Variants in TACC1 observed in about 807,000 individuals in gnomAD.
TACC1 encodes transforming acidic coiled-coil containing protein 1.
Under a neutral mutation model 84.4 loss-of-function variants are expected in TACC1, and 48 were observed. The ratio of observed to expected loss-of-function variants is 0.57; its 90% CI spans 0.45 to 0.72. The LOEUF is 0.72. Among genes scored for constraint, TACC1 ranks in the 30% least tolerant of loss-of-function variants. The pLI is 0.00. For synonymous variants in TACC1, 372 were observed against 376.3 expected (o/e 0.99, Z 0.13); for missense variants, 920 against 973.0 (o/e 0.95, Z 0.72).
At chr8:38,749,107 T>C (rs1808569562) in intron 3 of TACC1, among the ~76,000 whole-genome samples, 1 of 152,112 alleles carries the variant, frequency 6.6e-6, no homozygotes, top group Non-Finnish European at 1.5e-5. Flanking sequence ...CATTATTACT[T>C]TGGATATTAA....
In TACC1 at chr8:38,849,337, G is replaced by C. The variant is rs1032984057; in HGVS notation, c.*1314G>C. 3 of 152,216 alleles carry C rather than the reference G, an allele frequency of 2.0e-5. No homozygotes were observed. Among genetic ancestry groups the C allele is most frequent in the African/African-American group, 7.2e-5 (3 of 41,438 alleles). The allele number at this position is 152,216 out of a possible 1,614,324, so 9.4% of individuals were successfully genotyped here. On this transcript the variant is annotated 3_prime_UTR_variant, in exon 13 of 13. Transcript: ENST00000317827. ...CTCTTACTGGACTCAGTTCAGAGTGGTGGGCCATTAACCCCAACATGGAAT... is the reference window on the plus strand; with the variant it reads ...CTCTTACTGGACTCAGTTCAGAGTGCTGGGCCATTAACCCCAACATGGAAT...
At chr8:38,806,141 A>G (rs1587845903) in intron 2 of TACC1, among the ~76,000 whole-genome samples, 1 of 152,140 alleles carries the variant, frequency 6.6e-6, no homozygotes, top group African/African-American at 2.4e-5. Flanking sequence ...ACCTGGCCCC[A>G]GTGTGGTCGT....
In TACC1 at chr8:38,827,287, A is replaced by T. The variant is rs747180184; in HGVS notation, c.1572A>T (p.Lys524Asn). 2 of 1,614,082 alleles carry T rather than the reference A, an allele frequency of 1.2e-6. No homozygotes were observed. The highest frequency in any genetic ancestry group is 2.7e-5 in the African/African-American group (2 of 74,930). The change falls in exon 5 of 13, where the codon AAA becomes AAT. Residue 524 changes from lysine (K) to asparagine (N), a missense_variant. Coordinates refer to ENST00000317827, the MANE Select transcript of TACC1 (RefSeq NM_006283.3). ...AGAAATCAGCTGGTGCCGAGGTGAA[A>T]GGTGAGCCAGAGGAAGACCTGGAGT... ...CGQKSAGAEV[K>N]GEPEEDLEYF...
At position 38,851,248 on chromosome 8, in the gene TACC1, T is replaced by C. The variant is rs1246295127; in HGVS notation, c.*3225T>C. 1.3e-5 allele frequency: 2 copies of C among 152,242 alleles called. No individual in the cohort carries two copies. Among genetic ancestry groups the C allele is most frequent in the African/African-American group, 2.4e-5 (1 of 41,446 alleles). The allele number at this position is 152,242 out of a possible 1,614,324, so 9.4% of individuals were successfully genotyped here. On this transcript the variant is annotated 3_prime_UTR_variant, in exon 13 of 13. Coordinates refer to ENST00000317827, the MANE Select transcript of TACC1 (RefSeq NM_006283.3). The stretch of plus-strand genomic sequence containing the variant: ...TTTATGTTTCGTTTTGGAGGATAGC[T>C]CAAGTTGAATTTTCTTTCCAGCCAG...
At chr8:38,733,227 G>C (rs920920334) in intron 1 of TACC1, among the ~76,000 whole-genome samples, 1 of 151,346 alleles carries the variant, frequency 6.6e-6, no homozygotes, top group African/African-American at 2.4e-5. Context: ...AGACAGAGAC[G>C]ATCCCAGCTG....
At chr8:38,757,536 G>T in intron 3 of TACC1, 1 of 1,100,214 alleles carries the variant, frequency 9.1e-7, no homozygotes. Flanking sequence ...AGCGGGGCAC[G>T]AGCGCTCGGC....
Position 38,809,708 on chromosome 8 carries a change from T to A in TACC1, c.278-9814T>A, listed in dbSNP as rs184620656. ...CTTTCTTTGGGGGCTGTGGGACTGA[T>A]GGTGAAGGAGTCTGGGTAACAGGAA... On this transcript the variant is annotated intron_variant, in intron 2 of 12. Coordinates refer to ENST00000317827, the MANE Select transcript of TACC1 (RefSeq NM_006283.3). Among the ~76,000 whole-genome samples, 377 of 152,026 alleles carry A rather than the reference T, an allele frequency of 2.5e-3. 1 individual carries two copies. The highest frequency in any genetic ancestry group is 8.4e-3 in the African/African-American group (349 of 41,450).
chr8:38,755,828 A>ATTT (rs1809928829), intron 3 of TACC1, among the ~76,000 whole-genome samples: 1 of 151,236 alleles, frequency 6.6e-6, no homozygotes, highest in Non-Finnish European at 1.5e-5. Context: ...TATTATTATT[A>ATTT]TTAGAGATGA....
rs1833117191 is a variant in TACC1 at position 38,851,756 on chromosome 8, G to GTATTT, written c.*3733_*3734insTATTT. On this transcript the variant is annotated 3_prime_UTR_variant, in exon 13 of 13. Transcript: ENST00000317827. The stretch of plus-strand genomic sequence containing the variant: ...TGAAAGATTACATGATTCAAGCGAG[G>GTATTT]GATTTTAAAGTAAAGATGTATTTAT... The GTATTT allele has an allele frequency of 3.0e-6, 1 of 334,866 alleles. No individual in the cohort carries two copies. The highest frequency in any genetic ancestry group is 2.3e-5 in the South Asian group (1 of 43,050). 20.7% of individuals were successfully genotyped at this position (334,866 alleles called of 1,614,324 possible). A position where few individuals can be genotyped will look rare whatever the true frequency, so the allele number is the denominator to read the frequency against.
chr8:38,797,212 C>T (rs1024784340), intron 2 of TACC1, among the ~76,000 whole-genome samples: 9 of 152,222 alleles, frequency 5.9e-5, no homozygotes, highest in Admixed American at 3.9e-4. Flanking sequence ...TGTGACTTAG[C>T]CTCAAAAGTC....
intron 6 of TACC1, among the ~76,000 whole-genome samples, chr8:38,833,354 T>C (rs886319166): frequency 5.9e-5 from 9 of 152,226 alleles, no homozygotes; most frequent in South Asian, 4.1e-4. Flanking sequence ...TCTGCACTTT[T>C]TGATAAGCAA....
intron 2 of TACC1, among the ~76,000 whole-genome samples, chr8:38,792,774 A>G (rs1246008261): frequency 6.6e-6 from 1 of 151,286 alleles, no homozygotes; most frequent in Non-Finnish European, 1.5e-5. Context: ...CAGTTTTTTT[A>G]TTTTTTGTAG....
intron 3 of TACC1, among the ~76,000 whole-genome samples, chr8:38,823,281 T>C (rs1827278087): frequency 6.6e-6 from 1 of 152,266 alleles, no homozygotes; most frequent in Admixed American, 6.5e-5. Flanking sequence ...ATATAAGCAG[T>C]TAAATGGTTG....
intron 3 of TACC1, 21 bp from the exon 4 acceptor site, chr8:38,825,287 T>C: frequency 6.2e-7 from 1 of 1,614,008 alleles, no homozygotes; most frequent in Non-Finnish European, 8.5e-7. Context: ...ACTGGCTTGT[T>C]TGTGTTTCTT....
chr8:38,749,342 T>C (rs1808614461), intron 3 of TACC1, among the ~76,000 whole-genome samples: 1 of 152,126 alleles, frequency 6.6e-6, no homozygotes. Context: ...CAAACATTTA[T>C]GAAAAAATAA....
intron 3 of TACC1, among the ~76,000 whole-genome samples, chr8:38,765,456 G>A (rs1007192096): frequency 8.5e-5 from 13 of 152,136 alleles, no homozygotes; most frequent in Non-Finnish European, 4.4e-5. Context: ...TGAGTGACAA[G>A]TTGTTTTTTT....
At chr8:38,788,042 C>T (rs944702910) in intron 1 of TACC1, 12 of 431,686 alleles carry the variant, frequency 2.8e-5, no homozygotes, top group African/African-American at 1.7e-4. Flanking sequence ...GCCCCCGCCC[C>T]TCCACACTGG....
upstream of TACC1, among the ~76,000 whole-genome samples, chr8:38,783,501 A>G (rs1253792293): frequency 6.6e-6 from 1 of 150,820 alleles, no homozygotes; most frequent in African/African-American, 2.4e-5. Flanking sequence ...GGCTCACCGC[A>G]ATCTCTGCCT....
At chr8:38,836,374 C>G in intron 7 of TACC1, 87 bp downstream of exon 7, 1 of 1,540,088 alleles carries the variant, frequency 6.5e-7, no homozygotes, top group Non-Finnish European at 8.8e-7. Context: ...TCTGCTGGCT[C>G]AAGTTATCAC....
Sources: gnomAD v4.1 joint callset for allele counts (sites outside exome capture counted in the v4.1 genomes callset) on GRCh38, gnomAD v4.1.1 for gene constraint, MANE v1.5 for transcripts, NCBI Gene and HGNC (gene_info 2026-07-23, HGNC 2026-07-21) for gene names.